The following CFAP95 variants were observed in gnomAD, a reference collection of about 807,000 sequenced individuals.
CFAP95 encodes the protein cilia- and flagella-associated protein 95.
chr9:69,859,981 T>C, the CFAP95 span, among the ~76,000 whole-genome samples: 46 of 152,270 alleles, frequency 3.0e-4, no homozygotes, highest in African/African-American at 9.1e-4. Context: ...GCACATGCCA[T>C]GCATGTACCC....
the CFAP95 span, among the ~76,000 whole-genome samples, chr9:69,879,019 C>A: frequency 0.044 from 6,675 of 152,208 alleles, 458 homozygotes; most frequent in African/African-American, 0.15. Context: ...ACTATTATGA[C>A]GATGGCACCA....
the CFAP95 span, among the ~76,000 whole-genome samples, chr9:69,887,925 G>C: frequency 6.6e-6 from 1 of 152,186 alleles, no homozygotes; most frequent in Non-Finnish European, 1.5e-5. Flanking sequence ...GCTTAGCAGA[G>C]CCTGGACTCC....
the CFAP95 span, among the ~76,000 whole-genome samples, chr9:69,826,877 G>C: frequency 6.6e-6 from 1 of 152,128 alleles, no homozygotes; most frequent in Non-Finnish European, 1.5e-5. Flanking sequence ...GGTACTGCAG[G>C]CTGGGGCCCT....
At chr9:69,872,678 T>C in the CFAP95 span, among the ~76,000 whole-genome samples, 205 of 152,252 alleles carry the variant, frequency 1.3e-3, 2 homozygotes, top group African/African-American at 4.7e-3. Context: ...TTCTTAGAAA[T>C]TGATCTCTAA....
At chr9:69,823,402 C>G in the CFAP95 span, among the ~76,000 whole-genome samples, 1 of 152,168 alleles carries the variant, frequency 6.6e-6, no homozygotes. Context: ...GTAGCTAACA[C>G]TATTGATTTA....
chr9:69,867,182 T>G, the CFAP95 span, among the ~76,000 whole-genome samples: 1 of 152,244 alleles, frequency 6.6e-6, no homozygotes, highest in African/African-American at 2.4e-5. Flanking sequence ...GCAAAGGATA[T>G]TTTAATGGCG....
chr9:69,844,559 G>C, the CFAP95 span: 2 of 1,612,562 alleles, frequency 1.2e-6, no homozygotes, highest in Non-Finnish European at 1.7e-6. Flanking sequence ...ATGATATAGA[G>C]GGTCCTGAGA....
the CFAP95 span, among the ~76,000 whole-genome samples, chr9:69,822,580 C>T: frequency 6.6e-6 from 1 of 152,208 alleles, no homozygotes; most frequent in Non-Finnish European, 1.5e-5. Flanking sequence ...AGATTTGAGT[C>T]ATACCATAAA....
At chr9:69,869,771 G>GA in the CFAP95 span, among the ~76,000 whole-genome samples, 1 of 151,648 alleles carries the variant, frequency 6.6e-6, no homozygotes, top group East Asian at 1.9e-4. Flanking sequence ...GAGTGGCAAA[G>GA]ATTTTTTAAA....
chr9:69,869,375 C>T, the CFAP95 span, among the ~76,000 whole-genome samples: 3 of 152,146 alleles, frequency 2.0e-5, no homozygotes. Flanking sequence ...ACTGCATAAT[C>T]TCACTTCTAC....
chr9:69,836,433 C>A, the CFAP95 span, among the ~76,000 whole-genome samples: 2 of 152,074 alleles, frequency 1.3e-5, no homozygotes, highest in African/African-American at 2.4e-5. Context: ...TAGAAGTATA[C>A]GCAACAATGT....
chr9:69,853,780 G>A, the CFAP95 span, among the ~76,000 whole-genome samples: 2 of 152,168 alleles, frequency 1.3e-5, no homozygotes, highest in African/African-American at 2.4e-5. Context: ...AGGATAGCAG[G>A]ACTGGTATGA....
the CFAP95 span, among the ~76,000 whole-genome samples, chr9:69,841,198 T>TATATATATATATATATATC: frequency 2.6e-5 from 1 of 38,492 alleles, no homozygotes; most frequent in Non-Finnish European, 6.4e-5. Flanking sequence ...ATATATATAT[T>TATATATATATATATATATC]TCTGATTTAA....
the CFAP95 span, chr9:69,902,359 G>C: frequency 2.2e-6 from 1 of 453,476 alleles, no homozygotes. Context: ...TCCCAGGTTT[G>C]ATCATTGACA....
the CFAP95 span, among the ~76,000 whole-genome samples, chr9:69,903,747 G>T: frequency 1.3e-5 from 2 of 152,008 alleles, no homozygotes; most frequent in African/African-American, 2.4e-5. Context: ...TTTTTTTTGA[G>T]ACAGGGTCTT....
the CFAP95 span, among the ~76,000 whole-genome samples, chr9:69,880,933 T>G: frequency 1.3e-5 from 2 of 152,232 alleles, no homozygotes; most frequent in Non-Finnish European, 2.9e-5. Context: ...CCTTTTCATA[T>G]GCCTATTTGC....
the CFAP95 span, among the ~76,000 whole-genome samples, chr9:69,896,706 A>G: frequency 3.3e-5 from 5 of 152,188 alleles, no homozygotes; most frequent in Non-Finnish European, 5.9e-5. Context: ...TGACACAATC[A>G]TTGGAGGAAA....
the CFAP95 span, among the ~76,000 whole-genome samples, chr9:69,905,053 C>T: frequency 6.6e-6 from 1 of 152,286 alleles, no homozygotes; most frequent in African/African-American, 2.4e-5. Context: ...ATTCATACCT[C>T]AGAGCCCAGT....
chr9:69,905,862 A>T, the CFAP95 span: 1 of 955,540 alleles, frequency 1.0e-6, no homozygotes, highest in African/African-American at 1.7e-5. Flanking sequence ...ACCTTCAATC[A>T]TAAGAATAAT....
Sources: gnomAD v4.1 joint callset for allele counts (sites outside exome capture counted in the v4.1 genomes callset) on GRCh38, gnomAD v4.1.1 for gene constraint, MANE v1.5 for transcripts, NCBI Gene and HGNC (gene_info 2026-07-23, HGNC 2026-07-21) for gene names.